TIAM2: variants seen among roughly 807,000 people sequenced by gnomAD.
TIAM2 encodes TIAM Rac1 associated GEF 2.
Under a neutral mutation model 152.9 loss-of-function variants are expected in TIAM2, and 80 were observed. The observed-to-expected ratio is 0.52, with a 90% CI of 0.44 to 0.63. The LOEUF is 0.63. TIAM2 is among the 30% of genes least tolerant of loss of function. TIAM2 has a pLI of 0.00. For missense variants in TIAM2, 1,965 were observed against 2,120.1 expected (o/e 0.93, Z 1.44); for synonymous variants, 804 against 838.0 (o/e 0.96, Z 0.70).
In TIAM2 at chr6:155,028,318, C is replaced by T. The variant is rs1184853481; in HGVS notation, c.-209+32826C>T. On this transcript the variant is annotated intron_variant, in intron 1 of 26. Coordinates refer to ENST00000682666, the MANE Select transcript of TIAM2 (RefSeq NM_012454.4). Reference sequence around the variant, plus strand: ...TATACTACATATATGTACTGTGTTACATATATACTACATATAATATATACT... The same window carrying T: ...TATACTACATATATGTACTGTGTTATATATATACTACATATAATATATACT... Among the ~76,000 whole-genome samples the T allele has an allele frequency of 9.7e-5, 10 of 102,692 alleles. 2 individuals carry two copies. The highest frequency in any genetic ancestry group is 2.8e-4 in the African/African-American group (6 of 21,238). The allele number at this position is 102,692 out of a possible 152,430, so 67.4% of individuals were successfully genotyped here.
At chr6:155,239,030 G>A (rs915427668) in intron 15 of TIAM2, among the ~76,000 whole-genome samples, 1 of 152,160 alleles carries the variant, frequency 6.6e-6, no homozygotes, top group South Asian at 2.1e-4. Flanking sequence ...GCTTCAGTTT[G>A]TCAAGAGACA....
At chr6:155,244,426 C>T (rs946663116) in intron 17 of TIAM2, among the ~76,000 whole-genome samples, 2 of 152,202 alleles carry the variant, frequency 1.3e-5, no homozygotes, top group South Asian at 2.1e-4. Flanking sequence ...GAGAATTTTA[C>T]ATCCACTTAA....
chr6:155,116,846 A>G (rs1779025671), intron 2 of TIAM2, among the ~76,000 whole-genome samples: 1 of 152,156 alleles, frequency 6.6e-6, no homozygotes, highest in South Asian at 2.1e-4. Context: ...CACACTCACA[A>G]TTTTGAATCC....
chr6:155,212,490 T>A (rs557189000), intron 15 of TIAM2, among the ~76,000 whole-genome samples: 8 of 152,390 alleles, frequency 5.2e-5, no homozygotes, highest in Non-Finnish European at 2.9e-5. Flanking sequence ...CTTCTGTATT[T>A]GTTTTTGTCT....
chr6:155,211,271 G>A lies in TIAM2; in HGVS notation c.3132G>A (p.Gln1044=). The part of the protein sequence containing the change: ...KRSQTDGTLD[Q]VSHREKMEQT... The stretch of plus-strand genomic sequence containing the variant: ...GTCAGACAGATGGCACTCTGGATCA[G>A]GTTTCCCACAGGGAGAAAATGGAGC... The change falls in exon 15 of 27, where the codon CAG becomes CAA. Residue 1044 remains glutamine, a synonymous_variant. Coordinates refer to ENST00000682666, the MANE Select transcript of TIAM2 (RefSeq NM_012454.4). 1 of 1,613,598 alleles carries A rather than the reference G, an allele frequency of 6.2e-7. No individual in the cohort carries two copies. The highest frequency in any genetic ancestry group is 1.3e-5 in the African/African-American group (1 of 75,020).
chr6:155,241,354 C>A (rs1451889596), intron 16 of TIAM2, among the ~76,000 whole-genome samples: 4 of 152,164 alleles, frequency 2.6e-5, no homozygotes. Flanking sequence ...AGCTTTGGTA[C>A]CATTTGAAGC....
At chr6:155,051,267 G>A (rs573174851) in intron 1 of TIAM2, among the ~76,000 whole-genome samples, 41 of 152,284 alleles carry the variant, frequency 2.7e-4, no homozygotes, top group African/African-American at 7.7e-4. Context: ...AAGGCACAGC[G>A]CGTAATGGAA....
At chr6:155,093,403 C>T (rs891931917) in intron 2 of TIAM2, among the ~76,000 whole-genome samples, 6 of 152,112 alleles carry the variant, frequency 3.9e-5, no homozygotes, top group African/African-American at 7.2e-5. Flanking sequence ...GTGGAAAGGG[C>T]GTCCTGTACA....
chr6:155,215,194 A>C (rs1781823036), intron 15 of TIAM2, among the ~76,000 whole-genome samples: 1 of 152,210 alleles, frequency 6.6e-6, no homozygotes. Context: ...ATATGCAAAA[A>C]GTTAGCACGT....
chr6:155,227,772 T>C (rs1478998292), intron 15 of TIAM2, among the ~76,000 whole-genome samples: 1 of 152,186 alleles, frequency 6.6e-6, no homozygotes, highest in Non-Finnish European at 1.5e-5. Flanking sequence ...TGTGAGGATA[T>C]AGAGATCCAA....
In TIAM2 at chr6:155,248,184, G is replaced by T. The variant is rs1387401037; in HGVS notation, c.3832+5G>T. On this transcript the variant is annotated splice_donor_5th_base_variant and intron_variant, in intron 20 of 26. Coordinates refer to ENST00000682666, the MANE Select transcript of TIAM2 (RefSeq NM_012454.4). ...AGGAGCACTACCACCTGACGGGTGA[G>T]GCGGCGGCGGCACCTCCGGGCGAGG... 6.2e-7 allele frequency: 1 copy of T among 1,611,364 alleles called. No homozygotes were observed. The highest frequency in any genetic ancestry group is 8.5e-7 in the Non-Finnish European group (1 of 1,179,046).
chr6:155,075,371 C>T (rs1474489792), intron 1 of TIAM2, among the ~76,000 whole-genome samples: 1 of 151,076 alleles, frequency 6.6e-6, no homozygotes, highest in Non-Finnish European at 1.5e-5. Context: ...AACCCAACAA[C>T]CAACTCTTCA....
chr6:155,133,933 T>A (rs1258554098), intron 4 of TIAM2, among the ~76,000 whole-genome samples: 1 of 152,136 alleles, frequency 6.6e-6, no homozygotes. Flanking sequence ...GTCAGGCTGG[T>A]CTCGAACTCC....
intron 14 of TIAM2, among the ~76,000 whole-genome samples, chr6:155,210,342 A>G (rs1781690787): frequency 6.7e-6 from 1 of 148,326 alleles, no homozygotes; most frequent in African/African-American, 2.5e-5. Context: ...CTTTCTTGAT[A>G]GGGTCTCATT....
At chr6:155,055,373 T>A (rs1777422889) in intron 1 of TIAM2, among the ~76,000 whole-genome samples, 1 of 152,212 alleles carries the variant, frequency 6.6e-6, no homozygotes, top group East Asian at 1.9e-4. Context: ...CTTGTGAAGT[T>A]CCTGAGGAAT....
intron 1 of TIAM2, among the ~76,000 whole-genome samples, chr6:155,002,867 T>G (rs1415358598): frequency 2.0e-5 from 3 of 151,466 alleles, no homozygotes; most frequent in African/African-American, 2.4e-5. Context: ...GTGTGTGTTT[T>G]TTTTTTAGTA....
Position 155,130,298 on chromosome 6 carries a change from C to A in TIAM2, c.1075C>A (p.Pro359Thr), listed in dbSNP as rs535604546. ...CATCCAGTACAGTTCCTTCACTCTC[C>A]CCTGTCGGAAGCCCAAAGCCTTTGT... ...DPIQYSSFTL[P>T]CRKPKAFVED... Residue 359 changes from proline to threonine, a missense_variant, in exon 4 of 27, where the codon CCC becomes ACC. Pro to Thr is a conservative substitution (Grantham distance 38). Around this residue, in one of 3 missense-constraint regions of TIAM2, gnomAD observed 1,025 missense variants for 1,119.4 expected, o/e 0.92. Coordinates refer to ENST00000682666, the MANE Select transcript of TIAM2 (RefSeq NM_012454.4). 3.3e-5 allele frequency: 54 copies of A among 1,614,194 alleles called. No individual in the cohort carries two copies. The highest frequency in any genetic ancestry group is 7.7e-5 in the South Asian group (7 of 91,080).
At chr6:155,160,915 T>C (rs1389072875) in intron 7 of TIAM2, among the ~76,000 whole-genome samples, 1 of 152,252 alleles carries the variant, frequency 6.6e-6, no homozygotes, top group Non-Finnish European at 1.5e-5. Flanking sequence ...CTTTACAGTG[T>C]ACAGTTTATT....
chr6:155,128,071 C>T (rs1779338041), intron 3 of TIAM2, among the ~76,000 whole-genome samples: 2 of 152,140 alleles, frequency 1.3e-5, no homozygotes, highest in African/African-American at 4.8e-5. Context: ...CCTTCTCCCC[C>T]TTTTCACTTT....
Sources: gnomAD v4.1 joint callset for allele counts (sites outside exome capture counted in the v4.1 genomes callset) on GRCh38, gnomAD v4.1.1 for gene constraint, gnomAD v4.1.1 regional missense constraint, MANE v1.5 for transcripts, NCBI Gene and HGNC (gene_info 2026-07-23, HGNC 2026-07-21) for gene names.